RUFY4: variants seen among roughly 807,000 people sequenced by gnomAD.
RUFY4 encodes RUN and FYVE domain-containing protein 4.
RUFY4 carries 73 observed loss-of-function variants against 69.0 expected under a neutral mutation model. That is an observed-to-expected ratio of 1.06 (90% CI 0.88 to 1.29). RUFY4 has a LOEUF of 1.29. Ranked by LOEUF, RUFY4 falls within the 50% of genes most tolerant of loss-of-function variation. The pLI, the probability that RUFY4 is intolerant of heterozygous loss-of-function variation, is 0.00. For synonymous variants in RUFY4, 287 were observed against 271.8 expected (o/e 1.06, Z -0.55); for missense variants, 770 against 705.6 (o/e 1.09, Z -1.03).
rs769603646 is a variant in RUFY4, at chr2:218,060,640, A to G, written c.-1071+1959A>G. Reference sequence around the variant, plus strand: ...CAGGTTGTAGGGCAGCCAGCAGAGCAGGAAAATGAGGACAACAGCAAAGAT... The same window carrying G: ...CAGGTTGTAGGGCAGCCAGCAGAGCGGGAAAATGAGGACAACAGCAAAGAT... On this transcript the variant is annotated intron_variant and NMD_transcript_variant, in intron 3 of 13. Transcript: ENST00000457754. 24 of 1,351,846 alleles carry G rather than the reference A, an allele frequency of 1.8e-5. No individual in the cohort carries two copies. The South Asian group carries it at 2.5e-4, about 14-fold the overall frequency. The allele number at this position is 1,351,846 out of a possible 1,614,324, so 83.7% of individuals were successfully genotyped here.
Position 218,044,099 on chromosome 2 carries a change from G to C in RUFY4, c.-1158+8705G>C, listed in dbSNP as rs1033725051. Among the ~76,000 whole-genome samples, 5 of 152,190 alleles carry C rather than the reference G, an allele frequency of 3.3e-5. No individual in the cohort carries two copies. In the East Asian group the frequency reaches 9.7e-4, roughly 29 times the overall value. On this transcript the variant is annotated intron_variant and NMD_transcript_variant, in intron 2 of 13. Coordinates refer to the RUFY4 transcript ENST00000457754. ...GAGCAGGCCCTTCTGAGCCTGCAAGGGTCAGGGAGGCCTTCTGGGGCCTCC... is the reference window on the plus strand; with the variant it reads ...GAGCAGGCCCTTCTGAGCCTGCAAGCGTCAGGGAGGCCTTCTGGGGCCTCC...
At chr2:218,064,375 C>G (rs372297664), upstream of RUFY4, among the ~76,000 whole-genome samples, 9 of 152,192 alleles carry the variant, frequency 5.9e-5, no homozygotes, top group East Asian at 3.9e-4. Context: ...TCTCCAACTC[C>G]CTGCCCTCCA....
chr2:218,056,229 G>GTTTTTTT (rs796703457), intron 2 of RUFY4, among the ~76,000 whole-genome samples: 10 of 128,764 alleles, frequency 7.8e-5, no homozygotes, highest in East Asian at 2.3e-4. Flanking sequence ...GCTGGTTGTT[G>GTTTTTTT]TTTTTTTTTT....
chr2:218,075,101 C>T (rs55858501), exon 7 of RUFY4: 6 of 1,526,872 alleles, frequency 3.9e-6, no homozygotes, highest in African/African-American at 1.4e-5. Flanking sequence ...AGATCCCAGC[C>T]GCATATGGAG....
chr2:218,068,527 G>C (rs188577305), upstream of RUFY4: 8 of 153,016 alleles, frequency 5.2e-5, no homozygotes, highest in African/African-American at 1.9e-4. Flanking sequence ...CTGGTTTTTA[G>C]ATGCGGTTCC....
intron 2 of RUFY4, among the ~76,000 whole-genome samples, chr2:218,071,174 A>G (rs552471221): frequency 1.3e-5 from 2 of 152,296 alleles, no homozygotes; most frequent in East Asian, 3.9e-4. Flanking sequence ...CAGAGCCCCA[A>G]CTATGACCAG....
chr2:218,066,249 T>C (rs1443609799), upstream of RUFY4, among the ~76,000 whole-genome samples: 2 of 137,988 alleles, frequency 1.4e-5, no homozygotes, highest in African/African-American at 2.7e-5. Context: ...AGTGGCACAA[T>C]CTCAGCTCAC....
chr2:218,076,861 C>T (rs1353515664), intron 8 of RUFY4, among the ~76,000 whole-genome samples: 1 of 152,228 alleles, frequency 6.6e-6, no homozygotes, highest in Non-Finnish European at 1.5e-5. Context: ...TTCACCCTCT[C>T]TGCCTCCCTA....
intron 7 of RUFY4, among the ~76,000 whole-genome samples, chr2:218,076,068 T>C (rs1004101381): frequency 1.8e-4 from 27 of 152,294 alleles, no homozygotes; most frequent in Admixed American, 1.6e-3. Context: ...CTCATGATGG[T>C]AAGTCTCTTC....
At chr2:218,052,288 C>T (rs1223159139) in intron 2 of RUFY4, among the ~76,000 whole-genome samples, 2 of 152,166 alleles carry the variant, frequency 1.3e-5, no homozygotes, top group African/African-American at 2.4e-5. Context: ...CAGTGTAAGT[C>T]GACTCTGTAC....
chr2:218,060,212 G>T, intron 3 of RUFY4: 1 of 881,826 alleles, frequency 1.1e-6, no homozygotes, highest in Non-Finnish European at 1.7e-6. Context: ...GGCCTCCTCT[G>T]CTTCCTGCGA....
Position 218,073,980 on chromosome 2 carries a change from C to T in RUFY4, c.600+95C>T, listed in dbSNP as rs537926652. 2.3e-5 allele frequency: 28 copies of T among 1,239,024 alleles called. 2 individuals are homozygous for T. The South Asian group carries it at 3.2e-4, about 14-fold the overall frequency. 76.8% of individuals were successfully genotyped at this position (1,239,024 alleles called of 1,614,324 possible). ...AACTGAGCTTCCCCCTCCGAGTGTACAGAGAGCCCTGACCCTACAGGACAG... is the reference window on the plus strand; with the variant it reads ...AACTGAGCTTCCCCCTCCGAGTGTATAGAGAGCCCTGACCCTACAGGACAG... On this transcript the variant is annotated intron_variant, in intron 6 of 10. Coordinates refer to ENST00000344321, the Ensembl canonical transcript of RUFY4.
At chr2:218,075,695 C>T (rs4674246) in exon 7 of RUFY4, 203,582 of 1,463,860 alleles carry the variant, frequency 0.14, 14,707 homozygotes, top group South Asian at 0.23. Context: ...CCCTTGTGGC[C>T]AGAAGGGAGG....
chr2:218,069,432 G>A (rs914856115), upstream of RUFY4: 1 of 152,128 alleles, frequency 6.6e-6, no homozygotes, highest in African/African-American at 2.4e-5. Flanking sequence ...GCCTGGCAGA[G>A]ACGAGGGAGA....
At position 218,072,385 on chromosome 2, in the gene RUFY4, AG is replaced by A; in HGVS notation, c.166del (p.Glu56SerfsTer39). The A allele has an allele frequency of 6.5e-7, 1 of 1,537,316 alleles. No individual in the cohort carries two copies. Among genetic ancestry groups the A allele is most frequent in the South Asian group, 1.2e-5 (1 of 84,042 alleles). On this transcript the variant is annotated frameshift_variant, in exon 3 of 11. Transcript: ENST00000344321. LOFTEE classifies it high-confidence loss of function. ...CATTTTGGTTCTAGTTTGACCAGAAAGAGCAGAAGAGCTTCCTGGGGCCTCG... is the reference window on the plus strand; with the variant it reads ...CATTTTGGTTCTAGTTTGACCAGAAAAGCAGAAGAGCTTCCTGGGGCCTCG...
chr2:218,069,962 G>A (rs55779343), upstream of RUFY4, among the ~76,000 whole-genome samples: 1,261 of 152,228 alleles, frequency 8.3e-3, 27 homozygotes, highest in African/African-American at 0.029. Context: ...CACGCAGCAT[G>A]TGCTCAGCCC....
intron 8 of RUFY4, among the ~76,000 whole-genome samples, chr2:218,077,142 G>A (rs935499190): frequency 6.6e-6 from 1 of 152,184 alleles, no homozygotes; most frequent in African/African-American, 2.4e-5. Flanking sequence ...TAGTTAGCGG[G>A]GGAGCTGAGA....
intron 3 of RUFY4, chr2:218,061,206 A>G (rs1227738383): frequency 7.7e-6 from 3 of 388,984 alleles, no homozygotes; most frequent in African/African-American, 6.3e-5. Flanking sequence ...TAAGATGACC[A>G]GCATCGGCAG....
chr2:218,083,110 G>A (rs1014065628), exon 9 of RUFY4: 1 of 1,612,878 alleles, frequency 6.2e-7, no homozygotes. Flanking sequence ...CTGTACCCAG[G>A]TGTCAGGAAG....
Sources: gnomAD v4.1 joint callset for allele counts (sites outside exome capture counted in the v4.1 genomes callset) on GRCh38, gnomAD v4.1.1 for gene constraint, MANE v1.5 for transcripts, NCBI Gene and HGNC (gene_info 2026-07-23, HGNC 2026-07-21) for gene names.